Variants in COL11A1 observed in about 807,000 individuals in gnomAD.
The protein encoded by COL11A1 is collagen alpha-1(XI) chain.
COL11A1 carries 74 observed loss-of-function variants against 265.2 expected under a neutral mutation model. The observed-to-expected ratio is 0.28, with a 90% CI of 0.23 to 0.34. The LOEUF is 0.34. COL11A1 is among the 10% of genes least tolerant of loss of function. The pLI is 1.00. For missense variants in COL11A1, 2,165 were observed against 2,263.6 expected (o/e 0.96, Z 0.88); for synonymous variants, 816 against 727.6 (o/e 1.12, Z -1.96).
chr1:102,957,652 G>A (rs1459236083), intron 41 of COL11A1, among the ~76,000 whole-genome samples: 2 of 151,992 alleles, frequency 1.3e-5, no homozygotes, highest in African/African-American at 2.4e-5. Context: ...TAATATTAAA[G>A]CCTAGGTAGT....
In COL11A1 at chr1:103,108,067, T is replaced by C; in HGVS notation, c.106+6A>G. The C allele has an allele frequency of 6.2e-7, 1 of 1,612,608 alleles. No homozygotes were observed. The highest frequency in any genetic ancestry group is 8.5e-7 in the Non-Finnish European group (1 of 1,178,912). On this transcript the variant is annotated splice_donor_region_variant and intron_variant, in intron 1 of 66. Coordinates refer to ENST00000370096, the MANE Select transcript of COL11A1 (RefSeq NM_001854.4). Reference sequence around the variant, plus strand: ...CTCCCACCTCCCCAAATCCATTTTTTCTTACCTCCTCTGACCTCTCTAGCT... The same window carrying C: ...CTCCCACCTCCCCAAATCCATTTTTCCTTACCTCCTCTGACCTCTCTAGCT...
intron 42 of COL11A1, among the ~76,000 whole-genome samples, chr1:102,945,247 ACTCTCTCTCTCT>A (rs3056651): frequency 0.036 from 4,589 of 129,244 alleles, 105 homozygotes; most frequent in Middle Eastern, 0.094. Context: ...TTTTCTTTTT[ACTCTCTCTCTCT>A]CTCTCTCTCT....
At chr1:103,010,990 G>A (rs951351314) in intron 14 of COL11A1, among the ~76,000 whole-genome samples, 12 of 152,148 alleles carry the variant, frequency 7.9e-5, no homozygotes, top group South Asian at 2.1e-4. Flanking sequence ...GCGAGCCACC[G>A]CGCCCAGCCT....
intron 44 of COL11A1, among the ~76,000 whole-genome samples, chr1:102,936,965 AC>A (rs1658209254): frequency 6.6e-6 from 1 of 152,174 alleles, no homozygotes; most frequent in Non-Finnish European, 1.5e-5. Flanking sequence ...AACCAAAAAA[AC>A]ATGTCACCAC....
intron 30 of COL11A1, among the ~76,000 whole-genome samples, chr1:102,985,860 T>C (rs1663487911): frequency 6.6e-6 from 1 of 152,124 alleles, no homozygotes; most frequent in Non-Finnish European, 1.5e-5. Flanking sequence ...AAGGCCTTGT[T>C]TTCCCCTGAT....
intron 4 of COL11A1, among the ~76,000 whole-genome samples, chr1:103,069,990 A>C (rs1671451060): frequency 1.3e-5 from 2 of 151,812 alleles, no homozygotes; most frequent in Admixed American, 1.3e-4. Flanking sequence ...TTTGAAAAAT[A>C]GTTTGATAAT....
chr1:102,896,109 G>A (rs569156649), intron 57 of COL11A1, among the ~76,000 whole-genome samples: 2 of 151,710 alleles, frequency 1.3e-5, no homozygotes, highest in South Asian at 4.2e-4. Flanking sequence ...GAACCCCATG[G>A]GGTAGAAGAT....
intron 5 of COL11A1, among the ~76,000 whole-genome samples, chr1:103,026,702 C>G (rs1272655151): frequency 6.6e-6 from 1 of 151,998 alleles, no homozygotes; most frequent in Non-Finnish European, 1.5e-5. Context: ...CAATGTTTCT[C>G]TATAAGAGCG....
intron 57 of COL11A1, among the ~76,000 whole-genome samples, chr1:102,891,646 G>T (rs933545041): frequency 6.6e-6 from 1 of 151,422 alleles, no homozygotes; most frequent in Non-Finnish European, 1.5e-5. Context: ...AGCCTGAGGT[G>T]GGAGGACCGC....
At chr1:102,993,982 G>A (rs986525646) in intron 28 of COL11A1, among the ~76,000 whole-genome samples, 6 of 152,174 alleles carry the variant, frequency 3.9e-5, no homozygotes, top group African/African-American at 1.2e-4. Flanking sequence ...TGAGATTACC[G>A]TTAAGTAGGT....
chr1:103,019,181 G>C (rs1433821884), intron 9 of COL11A1, among the ~76,000 whole-genome samples: 2 of 151,712 alleles, frequency 1.3e-5, no homozygotes, highest in Non-Finnish European at 2.9e-5. Flanking sequence ...TTTATTTTTT[G>C]TTTTTCGTTT....
At chr1:103,092,634 A>C (rs1401916702) in intron 1 of COL11A1, among the ~76,000 whole-genome samples, 1 of 152,122 alleles carries the variant, frequency 6.6e-6, no homozygotes, top group Admixed American at 6.6e-5. Context: ...TATTGTGGTG[A>C]ACCCAAATGT....
chr1:102,908,428 C>G (rs921801487), intron 54 of COL11A1, among the ~76,000 whole-genome samples: 1 of 152,046 alleles, frequency 6.6e-6, no homozygotes, highest in South Asian at 2.1e-4. Flanking sequence ...CTGATTACAC[C>G]TGTGTGATCA....
intron 1 of COL11A1, among the ~76,000 whole-genome samples, chr1:103,096,155 A>T (rs1673744765): frequency 6.6e-6 from 1 of 151,896 alleles, no homozygotes; most frequent in Admixed American, 6.6e-5. Flanking sequence ...GTTTCCATTC[A>T]TTTTATGCTT....
chr1:102,921,603 A>C, intron 47 of COL11A1, 32 bp from the exon 48 acceptor site: 3 of 1,557,794 alleles, frequency 1.9e-6, no homozygotes, highest in Non-Finnish European at 2.6e-6. Context: ...GTTTACAAAG[A>C]CCAAATTCAA....
At chr1:103,026,394 T>C in intron 5 of COL11A1, 62 bp from the exon 6 acceptor site, 1 of 1,040,580 alleles carries the variant, frequency 9.6e-7, no homozygotes, top group Non-Finnish European at 1.5e-6. Flanking sequence ...ATTCACAAAG[T>C]GAGAACCATC....
In COL11A1 at chr1:102,962,757, G is replaced by T. The variant is rs780750875; in HGVS notation, c.2920C>A (p.Pro974Thr). 4.1e-5 allele frequency: 66 copies of T among 1,613,836 alleles called. No homozygotes were observed. Among genetic ancestry groups the T allele is most frequent in the Non-Finnish European group, 5.2e-5 (61 of 1,179,914 alleles). ...CCTATTGGACCAGTCTCACCGGTTGGTCCCTAAATTAGATAAGCAAAATCA... is the reference window on the plus strand; with the variant it reads ...CCTATTGGACCAGTCTCACCGGTTGTTCCCTAAATTAGATAAGCAAAATCA... ...GPGGVVGPQG[P>T]TGETGPIGER... Residue 974 changes from proline to threonine, a missense_variant, in exon 39 of 67, where the codon CCA becomes ACA. By Grantham distance (38) the Pro-to-Thr change is conservative (BLOSUM62 -1). Coordinates refer to ENST00000370096, the MANE Select transcript of COL11A1 (RefSeq NM_001854.4).
intron 37 of COL11A1, among the ~76,000 whole-genome samples, chr1:102,968,744 G>C (rs547881274): frequency 2.0e-4 from 30 of 152,124 alleles, no homozygotes; most frequent in Non-Finnish European, 3.1e-4. Context: ...AAATAATCCT[G>C]GCTTTTATCT....
intron 14 of COL11A1, among the ~76,000 whole-genome samples, chr1:103,010,755 C>T (rs1666045914): frequency 6.6e-6 from 1 of 150,758 alleles, no homozygotes; most frequent in Admixed American, 6.6e-5. Context: ...GGCTGGAGTG[C>T]AGTGGCACAA....
Sources: gnomAD v4.1 joint callset for allele counts (sites outside exome capture counted in the v4.1 genomes callset) on GRCh38, gnomAD v4.1.1 for gene constraint, MANE v1.5 for transcripts, NCBI Gene and HGNC (gene_info 2026-07-23, HGNC 2026-07-21) for gene names.